Variants in CLEC10A observed in about 807,000 individuals in gnomAD.
The protein encoded by CLEC10A is C-type lectin domain family 10 member A.
In CLEC10A, 38 loss-of-function variants were observed where a neutral mutation model predicts 42.0. The observed-to-expected ratio is 0.90, with a 90% CI of 0.70 to 1.18. CLEC10A has a LOEUF of 1.18. Ranked by LOEUF, CLEC10A falls within the 50% of genes most tolerant of loss-of-function variation. The pLI is 0.00. For synonymous variants in CLEC10A, 126 were observed against 139.9 expected (o/e 0.90, Z 0.70); for missense variants, 298 against 345.9 (o/e 0.86, Z 1.10).
chr17:7,074,606 T>C lies in CLEC10A; in HGVS notation c.*448A>G, dbSNP rs1911606993. The C allele has an allele frequency of 1.3e-5, 2 of 153,402 alleles. No homozygotes were observed. The highest frequency in any genetic ancestry group is 1.4e-5 in the Non-Finnish European group (1 of 68,966). The allele number at this position is 153,402 out of a possible 1,614,324, so 9.5% of individuals were successfully genotyped here. A position where few individuals can be genotyped will look rare whatever the true frequency, so the allele number is the denominator to read the frequency against. On this transcript the variant is annotated 3_prime_UTR_variant, in exon 9 of 9. Coordinates refer to ENST00000416562, the MANE Select transcript of CLEC10A (RefSeq NM_001330070.2). ...ACGAGAGTGTATGATTTCACTTATA[T>C]GAAGTTCTAGAAGCTCTAGAAGAGG...
chr17:7,076,905 T>C lies in CLEC10A; in HGVS notation c.267A>G (p.Ala89=). ...AACCAGACTCACCCTGGGAAGTCAG[T>C]GCCTGGATCTCCGCCACAGTGTTTG... is the stretch of plus-strand genomic sequence containing the variant. ...FTSNTVAEIQ[A]LTSQGSSLEE... is the part of the protein sequence containing the mutation. The change falls in exon 4 of 9, where the codon GCA becomes GCG. Residue 89 remains alanine, a synonymous_variant. Transcript: ENST00000416562. The C allele has an allele frequency of 6.2e-7, 1 of 1,613,996 alleles. No individual in the cohort carries two copies. The highest frequency in any genetic ancestry group is 1.3e-5 in the African/African-American group (1 of 74,994).
In CLEC10A at chr17:7,076,981, T is replaced by A. The variant is rs751242964; in HGVS notation, c.191A>T (p.Lys64Ile). ...CAGGGTCACCAGGTCCCTCTGAAATTTGGAATCTAAACAGGTGGATGGGAA... is the reference window on the plus strand; with the variant it reads ...CAGGGTCACCAGGTCCCTCTGAAATATGGAATCTAAACAGGTGGATGGGAA... ...IICVVGFQNS[K>I]FQRDLVTLRT... The change falls in exon 4 of 9, where the codon AAA becomes ATA. Residue 64 changes from lysine to isoleucine, a missense_variant. By Grantham distance (102) the Lys-to-Ile change is moderately radical. Coordinates refer to ENST00000416562, the MANE Select transcript of CLEC10A (RefSeq NM_001330070.2). The A allele has an allele frequency of 6.2e-7, 1 of 1,612,562 alleles. No individual in the cohort carries two copies. The highest frequency in any genetic ancestry group is 8.5e-7 in the Non-Finnish European group (1 of 1,178,826).
rs772146117 is a variant in CLEC10A at position 7,075,012 on chromosome 17, C to T, written c.*42G>A. ...GGAGGTCGTGAGAAGAGTCCTCCTCCCACCGCCATTTCTGTGGCCGGGTGG... is the reference window on the plus strand; with the variant it reads ...GGAGGTCGTGAGAAGAGTCCTCCTCTCACCGCCATTTCTGTGGCCGGGTGG... On this transcript the variant is annotated 3_prime_UTR_variant, in exon 9 of 9. Coordinates refer to ENST00000416562, the MANE Select transcript of CLEC10A (RefSeq NM_001330070.2). The T allele has an allele frequency of 6.7e-7, 1 of 1,493,340 alleles. No individual in the cohort carries two copies. The highest frequency in any genetic ancestry group is 1.4e-5 in the South Asian group (1 of 72,446). 92.5% of individuals were successfully genotyped at this position (1,493,340 alleles called of 1,614,324 possible). A position where few individuals can be genotyped will look rare whatever the true frequency, so the allele number is the denominator to read the frequency against.
At chr17:7,077,041 A>G (rs1911802714) in intron 3 of CLEC10A, 54 bp from the exon 4 acceptor site, 2 of 1,254,162 alleles carry the variant, frequency 1.6e-6, no homozygotes, top group African/African-American at 3.0e-5. Flanking sequence ...CCTCTGTACC[A>G]GCACCGAGCA....
Position 7,076,746 on chromosome 17 carries a change from C to T in CLEC10A, c.339G>A (p.Gln113=), listed in dbSNP as rs1416172619. 6.2e-7 allele frequency: 1 copy of T among 1,613,668 alleles called. No homozygotes were observed. Among genetic ancestry groups the T allele is most frequent in the Non-Finnish European group, 8.5e-7 (1 of 1,179,916 alleles). The part of the protein sequence containing the change: ...SLKAEVEGFK[Q]ERQAVHSEML... ...AGGGTCTCTCACCTGCCTGCCGTTC[C>T]TGCTTGAAACCCTCCACCTCAGCTT... The change falls in exon 5 of 9, where the codon CAG becomes CAA. Residue 113 remains glutamine, a synonymous_variant. Coordinates refer to ENST00000416562, the MANE Select transcript of CLEC10A (RefSeq NM_001330070.2).
rs375822504 is a variant in CLEC10A at position 7,077,965 on chromosome 17, C to A, written c.184+32G>T. On this transcript the variant is annotated intron_variant, in intron 3 of 8. Coordinates refer to ENST00000416562, the MANE Select transcript of CLEC10A (RefSeq NM_001330070.2). Reference sequence around the variant, plus strand: ...TTATTTATCTTCTACCCCATTATTTCTCTCTTCCCTGTCCACCCCTGTGAC... The same window carrying A: ...TTATTTATCTTCTACCCCATTATTTATCTCTTCCCTGTCCACCCCTGTGAC... The A allele has an allele frequency of 2.5e-5, 38 of 1,514,256 alleles. No homozygotes were observed. The African/African-American group carries it at 5.0e-4, about 20-fold the overall frequency. 93.8% of individuals were successfully genotyped at this position (1,514,256 alleles called of 1,614,324 possible).
rs1567746418 is a variant in CLEC10A at position 7,078,024 on chromosome 17, C to CCAG, written c.154_156dup (p.Leu52dup). On this transcript the variant is annotated inframe_insertion, in exon 3 of 9. Transcript: ENST00000416562. ...TGGAATCCAACCACACAGATGATGA[C>CCAG]CAGCAGCAGGAGGCCGAGGCCCAGG... is the stretch of plus-strand genomic sequence containing the variant. The CCAG allele has an allele frequency of 6.2e-6, 10 of 1,613,632 alleles. No homozygotes were observed. The highest frequency in any genetic ancestry group is 4.4e-5 in the South Asian group (4 of 91,070).
intron 1 of CLEC10A, 143 bp from the exon 2 acceptor site, chr17:7,079,028 G>A (rs1912028515): frequency 1.7e-6 from 1 of 596,720 alleles, no homozygotes; most frequent in Non-Finnish European, 3.0e-6. Context: ...TTGGGGTCGA[G>A]TTGAGTTTGG....
Position 7,076,801 on chromosome 17 carries a change from C to T in CLEC10A, c.284G>A (p.Ser95Asn), listed in dbSNP as rs375609717. Residue 95 changes from serine (S) to asparagine (N), a missense_variant, in exon 5 of 9, where the codon AGC becomes AAC. By Grantham distance (46) the Ser-to-Asn change is conservative (BLOSUM62 1). Coordinates refer to ENST00000416562, the MANE Select transcript of CLEC10A (RefSeq NM_001330070.2). The part of the protein sequence containing the change: ...AEIQALTSQG[S>N]SLEETIASLK... ...AGATGCTATCGTTTCTTCCAAGCTG[C>T]TGCCTGGAGGACACGGAGACTTGGC... 1.2e-5 allele frequency: 19 copies of T among 1,613,844 alleles called. No individual in the cohort carries two copies. Among genetic ancestry groups the T allele is most frequent in the Non-Finnish European group, 1.6e-5 (19 of 1,179,988 alleles).
intron 6 of CLEC10A, 48 bp downstream of exon 6, chr17:7,075,937 G>A (rs943077516): frequency 6.2e-7 from 1 of 1,612,402 alleles, no homozygotes; most frequent in African/African-American, 1.3e-5. Context: ...CTGCCCAGTG[G>A]GCCATGGGCA....
rs1323962527 is a variant in CLEC10A, at chr17:7,075,104, G to A, written c.820C>T (p.His274Tyr). ...CCCAGGCCAGCCTCGCAGACCCAGTGGTAGGGCCTCTGGCAGACGTCGTCA... is the reference window on the plus strand; with the variant it reads ...CCCAGGCCAGCCTCGCAGACCCAGTAGTAGGGCCTCTGGCAGACGTCGTCA... ...WNDDVCQRPY[H>Y]WVCEAGLGQT... Residue 274 changes from histidine (H) to tyrosine (Y), a missense_variant, in exon 9 of 9, where the codon CAC (histidine) becomes TAC (tyrosine). By Grantham distance (83) the His-to-Tyr change is moderately conservative. Transcript: ENST00000416562. 6.2e-7 allele frequency: 1 copy of A among 1,606,776 alleles called. No individual in the cohort carries two copies.
At chr17:7,079,522 G>C (rs566655110) in intron 1 of CLEC10A, among the ~76,000 whole-genome samples, 1 of 151,934 alleles carries the variant, frequency 6.6e-6, no homozygotes, top group Non-Finnish European at 1.5e-5. Flanking sequence ...GGCAGAGGTG[G>C]CAGTGAGCCG....
At position 7,078,567 on chromosome 17, in the gene CLEC10A, T is replaced by C. The variant is rs74621613; in HGVS notation, c.67+179A>G. On this transcript the variant is annotated intron_variant, in intron 2 of 8. Transcript: ENST00000416562. ...AAGCTGGGTCCACTGTGATCCTCCCTGTCCCAGTCTTTCTAGAGACCTTGC... is the reference window on the plus strand; with the variant it reads ...AAGCTGGGTCCACTGTGATCCTCCCCGTCCCAGTCTTTCTAGAGACCTTGC... 2,313 of 639,792 alleles carry C rather than the reference T, an allele frequency of 3.6e-3. 37 individuals carry two copies. In the African/African-American group the frequency reaches 0.037, roughly 10 times the overall value. 39.6% of individuals were successfully genotyped at this position (639,792 alleles called of 1,614,324 possible).
At chr17:7,077,102 G>A in intron 3 of CLEC10A, 115 bp from the exon 4 acceptor site, 1 of 730,214 alleles carries the variant, frequency 1.4e-6, no homozygotes, top group Non-Finnish European at 2.5e-6. Context: ...ACCCAGTGGG[G>A]CAGGCACTAT....
intron 7 of CLEC10A, 100 bp downstream of exon 7, chr17:7,075,631 C>T: frequency 6.4e-7 from 1 of 1,562,348 alleles, no homozygotes. Flanking sequence ...AGATGACAGT[C>T]ATTCTGGAAG....
In CLEC10A at chr17:7,075,848, C is replaced by T. The variant is rs1253727725; in HGVS notation, c.477G>A (p.Val159=). 1 of 1,614,086 alleles carries T rather than the reference C, an allele frequency of 6.2e-7. No individual in the cohort carries two copies. Among genetic ancestry groups the T allele is most frequent in the African/African-American group, 1.3e-5 (1 of 75,050 alleles). Residue 159 remains valine (V), a synonymous_variant, in exon 7 of 9, where the codon GTG becomes GTA. Transcript: ENST00000416562. ...TEGTCCPVNW[V]EHQDSCYWFS... Reference sequence around the variant, plus strand: ...ACCAGTAGCAGCTGTCTTGGTGCTCCACCCAGTTGACAGGGCAGCAGGTCC... The same window carrying T: ...ACCAGTAGCAGCTGTCTTGGTGCTCTACCCAGTTGACAGGGCAGCAGGTCC...
Position 7,075,424 on chromosome 17 carries a change from C to G in CLEC10A, c.637G>C (p.Gly213Arg). The G allele has an allele frequency of 6.6e-7, 1 of 1,524,548 alleles. No homozygotes were observed. Among genetic ancestry groups the G allele is most frequent in the Non-Finnish European group, 8.8e-7 (1 of 1,139,700 alleles). The allele number at this position is 1,524,548 out of a possible 1,614,324, so 94.4% of individuals were successfully genotyped here. ...KYLGSAYTWM[G>R]LSDPEGAWKW... ...CAGGCTCCTTCAGGGTCACTGAGGC[C>G]CATCCAGGTGTATGCGGAGCCTAGA... Residue 213 changes from glycine (G) to arginine (R), a missense_variant, in exon 8 of 9, where the codon GGC becomes CGC. Coordinates refer to ENST00000416562, the MANE Select transcript of CLEC10A (RefSeq NM_001330070.2).
chr17:7,075,567 T>C (rs767754002), intron 7 of CLEC10A, 101 bp from the exon 8 acceptor site: 2 of 1,407,500 alleles, frequency 1.4e-6, no homozygotes, highest in South Asian at 1.2e-5. Context: ...ACTGAGGAGT[T>C]TGGAGATGTT....
At chr17:7,076,397 G>A (rs964229540) in intron 5 of CLEC10A, among the ~76,000 whole-genome samples, 4 of 139,318 alleles carry the variant, frequency 2.9e-5, no homozygotes, top group South Asian at 4.6e-4. Flanking sequence ...GGCTACCTCC[G>A]CCTCCCGTGT....
Sources: allele counts gnomAD v4.1 joint callset (sites outside exome capture counted in the v4.1 genomes callset), GRCh38; gene constraint gnomAD v4.1.1; transcripts MANE v1.5; gene names NCBI Gene and HGNC (gene_info 2026-07-23, HGNC 2026-07-21).